CNKSR2: variants seen among roughly 807,000 people sequenced by gnomAD.
CNKSR2 encodes the protein CNK homolog protein 2.
CNKSR2 carries 14 observed loss-of-function variants against 84.4 expected under a neutral mutation model. The ratio of observed to expected loss-of-function variants is 0.17; its 90% CI spans 0.11 to 0.26. The LOEUF (loss-of-function observed/expected upper bound fraction) is 0.26, where lower values mean the gene tolerates loss of function less well. CNKSR2 is among the 10% of genes least tolerant of loss of function. The probability of loss-of-function intolerance (pLI) is 1.00; values close to 1 mark genes in which losing one functional copy is unlikely to be tolerated. For missense variants in CNKSR2, 485 were observed against 771.2 expected, an observed-to-expected ratio of 0.63 and a Z score of 4.40; for synonymous variants, 275 against 277.9, an observed-to-expected ratio of 0.99 and a Z score of 0.10.
chrX:21,404,660 G>A (rs372165938), intron 1 of CNKSR2, among the ~76,000 whole-genome samples: 1 of 107,317 alleles, frequency 9.3e-6, no homozygotes, highest in East Asian at 3.0e-4. Context: ...ATGGTGATGC[G>A]TGTCTGTAAT....
chrX:21,607,596 G>A (rs1161647136), intron 19 of CNKSR2, among the ~76,000 whole-genome samples: 1 of 111,287 alleles, frequency 9.0e-6, no homozygotes, highest in African/African-American at 3.3e-5. Flanking sequence ...TTGAGGTCAG[G>A]AGTTCGAAAG....
At chrX:21,478,312 T>C (rs1160965829) in intron 5 of CNKSR2, among the ~76,000 whole-genome samples, 1 of 111,605 alleles carries the variant, frequency 9.0e-6, no homozygotes, top group East Asian at 2.8e-4. Context: ...CTATAAATTC[T>C]CCACAACTGA....
At chrX:21,625,858 C>G (rs2092620839) in intron 20 of CNKSR2, among the ~76,000 whole-genome samples, 1 of 111,753 alleles carries the variant, frequency 8.9e-6, no homozygotes, top group African/African-American at 3.2e-5. Flanking sequence ...TAATAGAAGT[C>G]TATTCAGTGT....
In CNKSR2 at chrX:21,423,838, A is replaced by G. The variant is rs763149372; in HGVS notation, c.65-2659A>G. 3.6e-5 allele frequency: 4 copies of G among 110,781 alleles called. No individual in the cohort carries two copies. The South Asian group carries it at 1.5e-3, about 43-fold the overall frequency. The allele number at this position is 110,781 out of a possible 1,213,427, so 9.1% of individuals were successfully genotyped here. ...GTAGTTTTAATTTTTTTTTTCTGGT[A>G]GGTCTAGAAGAGTGTGATTTCATTA... is the stretch of plus-strand genomic sequence containing the variant. On this transcript the variant is annotated intron_variant, in intron 1 of 21. Transcript: ENST00000379510.
At chrX:21,634,095 A>G (rs1303649665) in intron 20 of CNKSR2, among the ~76,000 whole-genome samples, 4 of 112,263 alleles carry the variant, frequency 3.6e-5, no homozygotes, top group Non-Finnish European at 7.5e-5. Flanking sequence ...TCATGTACAC[A>G]ACATATTTTG....
intron 6 of CNKSR2, among the ~76,000 whole-genome samples, chrX:21,496,248 C>T: frequency 9.0e-6 from 1 of 111,303 alleles, no homozygotes; most frequent in East Asian, 2.8e-4. Flanking sequence ...ATTGTTAATT[C>T]CTGAATGAAA....
At chrX:21,598,043 A>C (rs2092460005) in intron 17 of CNKSR2, among the ~76,000 whole-genome samples, 1 of 108,553 alleles carries the variant, frequency 9.2e-6, no homozygotes, top group African/African-American at 3.4e-5. Context: ...ACACACACAC[A>C]ACAAATATTT....
At chrX:21,565,018 C>T (rs963724270) in intron 13 of CNKSR2, among the ~76,000 whole-genome samples, 4 of 111,703 alleles carry the variant, frequency 3.6e-5, no homozygotes, top group African/African-American at 9.8e-5. Context: ...CACTGAGCTT[C>T]CTCTAGAATC....
intron 3 of CNKSR2, among the ~76,000 whole-genome samples, chrX:21,437,235 A>T (rs1838094330): frequency 9.0e-6 from 1 of 110,802 alleles, no homozygotes; most frequent in African/African-American, 3.3e-5. Flanking sequence ...AAACAAAACA[A>T]AACAAACATG....
chrX:21,449,529 T>A (rs912931522), intron 4 of CNKSR2, among the ~76,000 whole-genome samples: 1 of 110,855 alleles, frequency 9.0e-6, no homozygotes, highest in Admixed American at 9.7e-5. Context: ...CACATCTGTC[T>A]TATGTTTCCC....
intron 4 of CNKSR2, among the ~76,000 whole-genome samples, chrX:21,461,722 A>T (rs2091064373): frequency 8.9e-6 from 1 of 112,132 alleles, no homozygotes; most frequent in Non-Finnish European, 1.9e-5. Flanking sequence ...ATATGGCGGG[A>T]GATACAGGTC....
intron 8 of CNKSR2, 106 bp downstream of exon 8, chrX:21,501,694 G>C: frequency 2.6e-6 from 1 of 378,153 alleles, no homozygotes; most frequent in Non-Finnish European, 4.5e-6. Context: ...ACAAAATATT[G>C]AACAGCCTTT....
At chrX:21,580,667 C>T (rs1419557935) in intron 13 of CNKSR2, among the ~76,000 whole-genome samples, 1 of 111,599 alleles carries the variant, frequency 9.0e-6, no homozygotes, top group Non-Finnish European at 1.9e-5. Flanking sequence ...TCAATCATAC[C>T]ATAATTGTGA....
chrX:21,567,175 T>C (rs1271123309), intron 13 of CNKSR2, among the ~76,000 whole-genome samples: 6 of 111,931 alleles, frequency 5.4e-5, no homozygotes, highest in Admixed American at 1.9e-4. Flanking sequence ...TCCTATTTTC[T>C]CTTATCATCC....
intron 1 of CNKSR2, among the ~76,000 whole-genome samples, chrX:21,408,974 T>A (rs2090302137): frequency 9.2e-6 from 1 of 108,136 alleles, no homozygotes; most frequent in Non-Finnish European, 1.9e-5. Flanking sequence ...AAGTTAGTTC[T>A]TAAATTCCTG....
intron 4 of CNKSR2, among the ~76,000 whole-genome samples, chrX:21,450,237 C>A (rs897920399): frequency 9.0e-6 from 1 of 111,477 alleles, no homozygotes; most frequent in Non-Finnish European, 1.9e-5. Context: ...GGCGTTAGTA[C>A]TAGGAAACTT....
At chrX:21,614,531 C>T (rs2147292509) in intron 20 of CNKSR2, among the ~76,000 whole-genome samples, 1 of 110,952 alleles carries the variant, frequency 9.0e-6, no homozygotes, top group South Asian at 3.8e-4. Context: ...AACTATATCA[C>T]TTTTGTAAAG....
intron 6 of CNKSR2, 89 bp from the exon 7 acceptor site, chrX:21,497,698 A>T: frequency 1.9e-6 from 1 of 514,442 alleles, no homozygotes; most frequent in East Asian, 3.5e-5. Flanking sequence ...TTAATTTGAT[A>T]GAGTAATTTT....
At chrX:21,522,504 T>C (rs1262988926) in intron 9 of CNKSR2, among the ~76,000 whole-genome samples, 2 of 111,158 alleles carry the variant, frequency 1.8e-5, no homozygotes, top group African/African-American at 6.5e-5. Flanking sequence ...TAAATTAAGA[T>C]ATGCTTGCCC....
Sources: allele counts gnomAD v4.1 joint callset (sites outside exome capture counted in the v4.1 genomes callset), GRCh38; gene constraint gnomAD v4.1.1; transcripts MANE v1.5; gene names NCBI Gene and HGNC (gene_info 2026-07-23, HGNC 2026-07-21).